The following DISC1 variants were observed in gnomAD, a reference collection of about 807,000 sequenced individuals.
DISC1 encodes DISC1 scaffold protein.
A neutral mutation model predicts 84.5 loss-of-function variants in DISC1; 57 were observed. The observed-to-expected ratio is 0.67, with a 90% confidence interval of 0.55 to 0.84. DISC1 has a LOEUF of 0.84. Among genes scored for constraint, DISC1 ranks in the 40% least tolerant of loss-of-function variants. The probability of loss-of-function intolerance (pLI) is 0.00; values close to 1 mark genes in which losing one functional copy is unlikely to be tolerated. For synonymous variants in DISC1, 411 were observed against 415.2 expected (o/e 0.99, Z 0.12); for missense variants, 1,000 against 1,057.8 (o/e 0.95, Z 0.76).
chr1:231,951,015 A>G (rs1331528967), intron 9 of DISC1, among the ~76,000 whole-genome samples: 1 of 152,222 alleles, frequency 6.6e-6, no homozygotes, highest in African/African-American at 2.4e-5. Flanking sequence ...CCCACAGGAC[A>G]AAACAGTGGA....
At chr1:231,862,237 T>A (rs191960962) in intron 9 of DISC1, among the ~76,000 whole-genome samples, 1 of 152,210 alleles carries the variant, frequency 6.6e-6, no homozygotes, top group Admixed American at 6.5e-5. Context: ...GAGGCCTAAG[T>A]GGCTGGAAGT....
intron 9 of DISC1, among the ~76,000 whole-genome samples, chr1:231,821,199 C>T (rs2081468839): frequency 6.6e-6 from 1 of 152,118 alleles, no homozygotes; most frequent in South Asian, 2.1e-4. Context: ...ATGAATGAGT[C>T]CTCTCTTCCT....
intron 9 of DISC1, among the ~76,000 whole-genome samples, chr1:231,892,773 G>T (rs2087345882): frequency 6.6e-6 from 1 of 151,890 alleles, no homozygotes; most frequent in South Asian, 2.1e-4. Context: ...AGCCTTAATG[G>T]ATAAATAAAT....
At chr1:231,934,933 A>G (rs893059696) in intron 9 of DISC1, among the ~76,000 whole-genome samples, 1 of 152,232 alleles carries the variant, frequency 6.6e-6, no homozygotes, top group African/African-American at 2.4e-5. Flanking sequence ...GGTTTATCTC[A>G]GAGCCTCCTG....
At chr1:232,028,927 G>GA (rs1017305076) in intron 12 of DISC1, among the ~76,000 whole-genome samples, 4 of 152,002 alleles carry the variant, frequency 2.6e-5, no homozygotes, top group Non-Finnish European at 4.4e-5. Flanking sequence ...CTTGACAGTC[G>GA]AAAAAAACAA....
intron 3 of DISC1, among the ~76,000 whole-genome samples, chr1:231,741,136 A>C (rs1205511631): frequency 6.6e-6 from 1 of 152,334 alleles, no homozygotes; most frequent in Admixed American, 6.5e-5. Context: ...TCCTTGCAGA[A>C]GTGCTGACAA....
At chr1:231,878,617 A>G (rs1343395651) in intron 9 of DISC1, among the ~76,000 whole-genome samples, 2 of 152,144 alleles carry the variant, frequency 1.3e-5, no homozygotes, top group East Asian at 1.9e-4. Context: ...TGTCAATGTC[A>G]TTGTCATTTT....
intron 9 of DISC1, among the ~76,000 whole-genome samples, chr1:231,889,947 T>C (rs1310068751): frequency 1.3e-5 from 2 of 152,158 alleles, no homozygotes; most frequent in Non-Finnish European, 2.9e-5. Context: ...ATAATTTGGG[T>C]TGTGCTCAAA....
At chr1:231,855,255 G>A in intron 9 of DISC1, 2 of 952,892 alleles carry the variant, frequency 2.1e-6, no homozygotes, top group South Asian at 9.5e-5. Flanking sequence ...AGAATCACAA[G>A]AGTGTCTCAT....
chr1:231,805,819 C>A (rs2079662819), intron 8 of DISC1, among the ~76,000 whole-genome samples: 1 of 152,172 alleles, frequency 6.6e-6, no homozygotes, highest in Admixed American at 6.5e-5. Context: ...GAAAGTACAG[C>A]CCTGAGCTCT....
At chr1:231,940,265 C>T (rs745414190) in intron 9 of DISC1, among the ~76,000 whole-genome samples, 6 of 152,110 alleles carry the variant, frequency 3.9e-5, no homozygotes, top group South Asian at 2.1e-4. Flanking sequence ...CTGGAGAGTA[C>T]GATCCACTTG....
chr1:231,851,309 A>G (rs939133013), intron 9 of DISC1, among the ~76,000 whole-genome samples: 5 of 152,170 alleles, frequency 3.3e-5, no homozygotes, highest in African/African-American at 1.2e-4. Flanking sequence ...TGAGTGGGTA[A>G]TTCGCCGCCT....
chr1:231,860,523 T>C (rs2084567353), intron 9 of DISC1, among the ~76,000 whole-genome samples: 1 of 152,192 alleles, frequency 6.6e-6, no homozygotes, highest in Admixed American at 6.5e-5. Flanking sequence ...CAAAAAATAT[T>C]TTGTGTAATG....
intron 10 of DISC1, among the ~76,000 whole-genome samples, chr1:231,986,588 G>A (rs1664478064): frequency 6.6e-6 from 1 of 152,160 alleles, no homozygotes; most frequent in African/African-American, 2.4e-5. Flanking sequence ...AATATCAGTA[G>A]GAAACAAACA....
rs1038071093 is a variant in DISC1, at chr1:231,765,572, C to T, written c.1269-1568C>T. Among the ~76,000 whole-genome samples, 7 of 152,190 alleles carry T rather than the reference C, an allele frequency of 4.6e-5. No individual in the cohort carries two copies. The South Asian group carries it at 8.3e-4, about 18-fold the overall frequency. ...GGACATAGCTTCCTTGAATTGTTGA[C>T]GTAGTTTTGCTTAGGGTAAATTGTT... On this transcript the variant is annotated intron_variant, in intron 4 of 12. Coordinates refer to ENST00000439617, the MANE Select transcript of DISC1 (RefSeq NM_018662.3).
chr1:231,942,448 T>C (rs757815021), intron 9 of DISC1, among the ~76,000 whole-genome samples: 25 of 152,204 alleles, frequency 1.6e-4, no homozygotes, highest in Admixed American at 9.2e-4. Context: ...CAGATTTACT[T>C]GAGGTCAAGA....
chr1:232,035,432 CA>C (rs1670425765), intron 12 of DISC1, among the ~76,000 whole-genome samples: 1 of 152,150 alleles, frequency 6.6e-6, no homozygotes, highest in Admixed American at 6.5e-5. Flanking sequence ...GCTACAAGTG[CA>C]AAACTCTGTC....
chr1:231,756,635 C>A (rs202146354), intron 4 of DISC1, among the ~76,000 whole-genome samples: 11 of 151,520 alleles, frequency 7.3e-5, no homozygotes, highest in Non-Finnish European at 1.2e-4. Flanking sequence ...CTGAAATTGC[C>A]AGCAAGAAGG....
At chr1:231,893,179 AAAC>A (rs1332944751) in intron 9 of DISC1, among the ~76,000 whole-genome samples, 1 of 152,146 alleles carries the variant, frequency 6.6e-6, no homozygotes, top group Non-Finnish European at 1.5e-5. Flanking sequence ...CAAAAACAAA[AAAC>A]AATGTGGCAT....
Sources: gnomAD v4.1 joint callset for allele counts (sites outside exome capture counted in the v4.1 genomes callset) on GRCh38, gnomAD v4.1.1 for gene constraint, MANE v1.5 for transcripts, NCBI Gene and HGNC (gene_info 2026-07-23, HGNC 2026-07-21) for gene names.